The following SLC1A3 variants were observed in gnomAD, a reference collection of about 807,000 sequenced individuals.
SLC1A3 encodes the protein excitatory amino acid transporter 1.
SLC1A3 carries 21 observed loss-of-function variants against 48.1 expected under a neutral mutation model. That is an observed-to-expected ratio of 0.44 (90% CI 0.31 to 0.63). The LOEUF is 0.63. SLC1A3 is among the 20% of genes least tolerant of loss of function. The probability of loss-of-function intolerance (pLI) is 0.08; values close to 1 mark genes in which losing one functional copy is unlikely to be tolerated. For missense variants in SLC1A3, 546 were observed against 689.0 expected, an observed-to-expected ratio of 0.79 and a Z score of 2.32; for synonymous variants, 239 against 251.4, an observed-to-expected ratio of 0.95 and a Z score of 0.47.
chr5:36,608,514 A>G lies in SLC1A3; in HGVS notation c.91A>G (p.Lys31Glu), dbSNP rs760142896. The change falls in exon 2 of 10, where the codon AAG (lysine) becomes GAG (glutamate). Residue 31 changes from lysine (K) to glutamate (E), a missense_variant. Physicochemically the swap from Lys to Glu is moderately conservative, Grantham distance 56 (BLOSUM62 1). Around this residue, in one of 3 missense-constraint regions of SLC1A3, gnomAD observed 348 missense variants for 392.0 expected, o/e 0.89. Coordinates refer to ENST00000265113, the MANE Select transcript of SLC1A3 (RefSeq NM_004172.5). ...CCGTAAACGCACACTTTTGGCCAAG[A>G]AGAAAGTGCAGAACATTACAAAGGA... is the stretch of plus-strand genomic sequence containing the variant. ...GVRKRTLLAK[K>E]KVQNITKEDV... 6.2e-7 allele frequency: 1 copy of G among 1,614,100 alleles called. No homozygotes were observed. Among genetic ancestry groups the G allele is most frequent in the East Asian group, 2.2e-5 (1 of 44,880 alleles).
intron 5 of SLC1A3, among the ~76,000 whole-genome samples, chr5:36,674,664 C>A (rs1742134724): frequency 6.6e-6 from 1 of 152,176 alleles, no homozygotes; most frequent in Non-Finnish European, 1.5e-5. Flanking sequence ...CTTCATTTCA[C>A]TGATGGGGCA....
Position 36,680,447 on chromosome 5 carries a change from G to T in SLC1A3, c.1147G>T (p.Asp383Tyr). ...GTGCCTGGAAGAGAACAATGGCGTG[G>T]ACAAGCGCGTCACCAGATTCGTGCT... ...FKCLEENNGV[D>Y]KRVTRFVLPV... The change falls in exon 8 of 10, where the codon GAC becomes TAC. Residue 383 changes from aspartate (D) to tyrosine (Y), a missense_variant. By Grantham distance (160) the Asp-to-Tyr change is radical. This residue lies in a region of SLC1A3 where 142 missense variants were observed against 238.0 expected (regional missense o/e 0.60). Coordinates refer to ENST00000265113, the MANE Select transcript of SLC1A3 (RefSeq NM_004172.5). 1 of 1,614,174 alleles carries T rather than the reference G, an allele frequency of 6.2e-7. No individual in the cohort carries two copies. Among genetic ancestry groups the T allele is most frequent in the Non-Finnish European group, 8.5e-7 (1 of 1,180,036 alleles).
At chr5:36,645,408 C>A (rs1313183573) in intron 3 of SLC1A3, among the ~76,000 whole-genome samples, 1 of 142,802 alleles carries the variant, frequency 7.0e-6, no homozygotes, top group Non-Finnish European at 1.5e-5. Context: ...CTCACTGTAA[C>A]CTCCGCCTCC....
chr5:36,629,275 T>C (rs1398991749), intron 2 of SLC1A3, among the ~76,000 whole-genome samples, 175 bp from the exon 3 acceptor site: 1 of 152,144 alleles, frequency 6.6e-6, no homozygotes, highest in East Asian at 1.9e-4. Flanking sequence ...AGCCAGACCC[T>C]CACAGATAAT....
chr5:36,629,029 G>A (rs1190845525), intron 2 of SLC1A3, among the ~76,000 whole-genome samples: 1 of 152,178 alleles, frequency 6.6e-6, no homozygotes, highest in Non-Finnish European at 1.5e-5. Context: ...AAGTGGTTAT[G>A]TTAGCAATTC....
intron 2 of SLC1A3, among the ~76,000 whole-genome samples, chr5:36,621,837 C>T (rs1739687439): frequency 6.6e-6 from 1 of 151,280 alleles, no homozygotes; most frequent in African/African-American, 2.5e-5. Context: ...GCTCAATTGT[C>T]AAGTGTGGGT....
At chr5:36,667,788 T>C (rs1454278581) in intron 3 of SLC1A3, 1 of 152,202 alleles carries the variant, frequency 6.6e-6, no homozygotes, top group Non-Finnish European at 1.5e-5. Context: ...AATAGTACAA[T>C]ACAGTATTTC....
chr5:36,677,671 T>C (rs1488463832), intron 6 of SLC1A3, among the ~76,000 whole-genome samples: 1 of 152,202 alleles, frequency 6.6e-6, no homozygotes, highest in Non-Finnish European at 1.5e-5. Context: ...TGCAGGTAAC[T>C]AGGAGAAGGC....
At chr5:36,674,711 C>A (rs1742136848) in intron 5 of SLC1A3, among the ~76,000 whole-genome samples, 1 of 152,120 alleles carries the variant, frequency 6.6e-6, no homozygotes, top group Non-Finnish European at 1.5e-5. Flanking sequence ...ATGTATCGTG[C>A]ACAAATTCTC....
At chr5:36,668,700 G>A (rs1741863113) in intron 3 of SLC1A3, 1 of 152,156 alleles carries the variant, frequency 6.6e-6, no homozygotes, top group African/African-American at 2.4e-5. Context: ...ATGCCTTGAT[G>A]GTTGTCTTCA....
chr5:36,658,988 AT>A (rs55751349), intron 3 of SLC1A3, among the ~76,000 whole-genome samples: 20 of 149,384 alleles, frequency 1.3e-4, no homozygotes, highest in African/African-American at 2.5e-4. Flanking sequence ...CAACCTACCC[AT>A]TTTTTTTTTT....
intron 1 of SLC1A3, among the ~76,000 whole-genome samples, chr5:36,599,189 TA>T (rs1738777061): frequency 6.6e-6 from 1 of 152,194 alleles, no homozygotes; most frequent in Non-Finnish European, 1.5e-5. Flanking sequence ...CTCTCCCTCA[TA>T]AATGAATACT....
chr5:36,601,424 C>T (rs553338545), intron 1 of SLC1A3, among the ~76,000 whole-genome samples: 2 of 152,258 alleles, frequency 1.3e-5, no homozygotes, highest in Admixed American at 1.3e-4. Flanking sequence ...ATCAGGAAAG[C>T]GATTTGAGAA....
chr5:36,634,340 G>A (rs1288180130), intron 3 of SLC1A3, among the ~76,000 whole-genome samples: 2 of 149,208 alleles, frequency 1.3e-5, no homozygotes, highest in African/African-American at 5.0e-5. Context: ...TGTTAACAAG[G>A]TGTTAAACAC....
At chr5:36,655,251 G>A (rs17290929) in intron 3 of SLC1A3, among the ~76,000 whole-genome samples, 34,991 of 152,094 alleles carry the variant, frequency 0.23, 4,812 homozygotes, top group Non-Finnish European at 0.32. Flanking sequence ...CTTCTTTGCC[G>A]GAGAGTATCA....
intron 2 of SLC1A3, among the ~76,000 whole-genome samples, chr5:36,611,107 A>G (rs1739172800): frequency 6.6e-6 from 1 of 152,212 alleles, no homozygotes; most frequent in Non-Finnish European, 1.5e-5. Context: ...CCTAAGAGAT[A>G]GGAAAAGAAT....
chr5:36,667,649 C>T (rs986082207), intron 3 of SLC1A3: 3 of 152,066 alleles, frequency 2.0e-5, no homozygotes, highest in African/African-American at 7.2e-5. Flanking sequence ...ATTAAATGAC[C>T]ATTACCATCA....
At chr5:36,680,227 G>A (rs1382624150) in intron 7 of SLC1A3, 168 bp from the exon 8 acceptor site, 1 of 684,090 alleles carries the variant, frequency 1.5e-6, no homozygotes, top group Admixed American at 2.1e-5. Context: ...ACCCCGTGAG[G>A]GGACCACACT....
chr5:36,627,369 A>G (rs916067030), intron 2 of SLC1A3, among the ~76,000 whole-genome samples: 1 of 152,130 alleles, frequency 6.6e-6, no homozygotes. Context: ...GGGTAGAGGA[A>G]ATAAAGCCTC....
Sources: allele counts gnomAD v4.1 joint callset (sites outside exome capture counted in the v4.1 genomes callset), GRCh38; gene constraint gnomAD v4.1.1; regional missense constraint gnomAD v4.1.1; transcripts MANE v1.5; gene names NCBI Gene and HGNC (gene_info 2026-07-23, HGNC 2026-07-21).